RAPGEF2: variants seen among roughly 807,000 people sequenced by gnomAD.
RAPGEF2 encodes PDZ domain containing guanine nucleotide exchange factor (GEF) 1.
Under a neutral mutation model 186.7 loss-of-function variants are expected in RAPGEF2, and 54 were observed. That is an observed-to-expected ratio of 0.29 (90% CI 0.23 to 0.36). The LOEUF (loss-of-function observed/expected upper bound fraction) is 0.36. Among genes scored for constraint, RAPGEF2 ranks in the 10% least tolerant of loss-of-function variants. The pLI is 1.00. For synonymous variants in RAPGEF2, 712 were observed against 705.9 expected (o/e 1.01, Z -0.14); for missense variants, 1,532 against 2,045.0 (o/e 0.75, Z 4.84).
chr4:159,113,306 A>G (rs1246722133), intron 1 of RAPGEF2, among the ~76,000 whole-genome samples: 1 of 152,236 alleles, frequency 6.6e-6, no homozygotes, highest in Non-Finnish European at 1.5e-5. Flanking sequence ...AAGCTGGGTA[A>G]ACAGGGGATC....
At chr4:159,201,290 A>G (rs1228024598) in intron 3 of RAPGEF2, among the ~76,000 whole-genome samples, 1 of 152,210 alleles carries the variant, frequency 6.6e-6, no homozygotes, top group Non-Finnish European at 1.5e-5. Context: ...GATTAAAATT[A>G]TTGTGTATCT....
At chr4:159,150,199 A>AT (rs1370950971) in intron 1 of RAPGEF2, among the ~76,000 whole-genome samples, 108 of 151,524 alleles carry the variant, frequency 7.1e-4, no homozygotes, top group African/African-American at 2.6e-3. Context: ...TATATACTAT[A>AT]AAGTCACCAT....
chr4:159,297,360 A>G lies in RAPGEF2; in HGVS notation c.544-6982A>G, dbSNP rs149669323. On this transcript the variant is annotated intron_variant, in intron 7 of 29. Coordinates refer to ENST00000691494, the MANE Select transcript of RAPGEF2 (RefSeq NM_001394067.2). ...GGTTTTACCATACTTAGTTTGTAGC[A>G]TATGTCTGTGCCAAATGCATATTAT... 1.1e-3 allele frequency among the ~76,000 whole-genome samples: 173 copies of G among 152,340 alleles called. 1 individual carries two copies. The highest frequency in any genetic ancestry group is 3.9e-3 in the African/African-American group (163 of 41,578).
Position 159,339,443 on chromosome 4 carries a change from T to C in RAPGEF2, c.2534+89T>C. 2.1e-6 allele frequency: 3 copies of C among 1,445,398 alleles called. No homozygotes were observed. The South Asian group carries it at 4.0e-5, about 19-fold the overall frequency. 89.5% of individuals were successfully genotyped at this position (1,445,398 alleles called of 1,614,324 possible). ...AGATGAGCAATTTTCAAAGTGTTTT[T>C]TAAATGAGTAAGTGTCCCTGCGATT... is the stretch of plus-strand genomic sequence containing the variant. On this transcript the variant is annotated intron_variant, in intron 19 of 29. Coordinates refer to ENST00000691494, the MANE Select transcript of RAPGEF2 (RefSeq NM_001394067.2).
chr4:159,116,067 A>G (rs1192751051), intron 1 of RAPGEF2, among the ~76,000 whole-genome samples: 1 of 152,242 alleles, frequency 6.6e-6, no homozygotes, highest in African/African-American at 2.4e-5. Flanking sequence ...CAATTGCAGC[A>G]AAAGCAACAA....
At chr4:159,135,660 C>T (rs2111146456) in intron 1 of RAPGEF2, among the ~76,000 whole-genome samples, 1 of 152,196 alleles carries the variant, frequency 6.6e-6, no homozygotes, top group Admixed American at 6.5e-5. Context: ...AGTGCAATGG[C>T]ATGATCTCGG....
intron 9 of RAPGEF2, among the ~76,000 whole-genome samples, chr4:159,318,680 A>AT (rs1361183116): frequency 5.3e-5 from 8 of 151,948 alleles, no homozygotes; most frequent in East Asian, 1.9e-4. Context: ...GTTTTAAAAA[A>AT]TTTTTTTTGT....
At chr4:159,338,281 G>C (rs1579998100) in intron 17 of RAPGEF2, 30 bp from the exon 18 acceptor site, 1 of 1,586,206 alleles carries the variant, frequency 6.3e-7, no homozygotes. Context: ...TTAACTTGTT[G>C]ATAATTTTCT....
chr4:159,147,741 C>T (rs1028124899), intron 1 of RAPGEF2, among the ~76,000 whole-genome samples: 1 of 152,172 alleles, frequency 6.6e-6, no homozygotes, highest in Non-Finnish European at 1.5e-5. Context: ...GAAATCATCT[C>T]CACAGAAAGA....
At chr4:159,177,860 A>G (rs913371141) in intron 1 of RAPGEF2, among the ~76,000 whole-genome samples, 1 of 152,232 alleles carries the variant, frequency 6.6e-6, no homozygotes, top group African/African-American at 2.4e-5. Flanking sequence ...GCCCAAAAGG[A>G]TAAATTTCAT....
chr4:159,263,037 T>G (rs1757047850), intron 7 of RAPGEF2, among the ~76,000 whole-genome samples: 1 of 152,186 alleles, frequency 6.6e-6, no homozygotes, highest in Admixed American at 6.5e-5. Context: ...ATTTCATAAT[T>G]AAATTATTCT....
chr4:159,330,223 C>G, intron 12 of RAPGEF2, 111 bp from the exon 13 acceptor site: 1 of 869,984 alleles, frequency 1.1e-6, no homozygotes, highest in Non-Finnish European at 1.7e-6. Flanking sequence ...TTTGAAATCC[C>G]AGTACCATAT....
intron 6 of RAPGEF2, among the ~76,000 whole-genome samples, chr4:159,243,515 T>C (rs1561135011): frequency 6.6e-6 from 1 of 152,018 alleles, no homozygotes; most frequent in Non-Finnish European, 1.5e-5. Flanking sequence ...AATTGGCTAA[T>C]AGTGAAGGAC....
At chr4:159,351,694 G>T (rs184890420) in intron 26 of RAPGEF2, among the ~76,000 whole-genome samples, 1 of 152,276 alleles carries the variant, frequency 6.6e-6, no homozygotes, top group East Asian at 1.9e-4. Context: ...TGTAATCCCA[G>T]CACTTTGGGA....
At chr4:159,221,965 G>A (rs913720032) in intron 4 of RAPGEF2, among the ~76,000 whole-genome samples, 2 of 152,136 alleles carry the variant, frequency 1.3e-5, no homozygotes, top group African/African-American at 4.8e-5. Flanking sequence ...AATAAGGTAG[G>A]TCTCTAAAGA....
At chr4:159,208,862 C>A (rs1404114161) in intron 3 of RAPGEF2, among the ~76,000 whole-genome samples, 2 of 151,354 alleles carry the variant, frequency 1.3e-5, no homozygotes, top group East Asian at 1.9e-4. Context: ...TATAAAGTAC[C>A]CCTAGGAAAA....
intron 3 of RAPGEF2, 84 bp from the exon 4 acceptor site, chr4:159,210,416 G>A (rs1007168972): frequency 2.4e-6 from 2 of 825,680 alleles, no homozygotes; most frequent in African/African-American, 1.7e-5. Context: ...AGTAATATGG[G>A]TGCTGCACTT....
In RAPGEF2 at chr4:159,296,460, A is replaced by G. The variant is rs1235229100; in HGVS notation, c.544-7882A>G. Among the ~76,000 whole-genome samples the G allele has an allele frequency of 2.0e-5, 3 of 152,324 alleles. No homozygotes were observed. In the East Asian group the frequency reaches 5.8e-4, roughly 29 times the overall value. On this transcript the variant is annotated intron_variant, in intron 7 of 29. Transcript: ENST00000691494. ...CAATATCCATGAGAATTTTCAGGTCAATTAGTAAATTAATAAATATATTTA... is the reference window on the plus strand; with the variant it reads ...CAATATCCATGAGAATTTTCAGGTCGATTAGTAAATTAATAAATATATTTA...
At position 159,359,811 on chromosome 4, in the gene RAPGEF2, C is replaced by CA. The variant is rs929078099; in HGVS notation, c.*1673dup. On this transcript the variant is annotated 3_prime_UTR_variant, in exon 30 of 30. Coordinates refer to ENST00000691494, the MANE Select transcript of RAPGEF2 (RefSeq NM_001394067.2). ...GTTTTATTATATAGGCTATGGACCT[C>CA]ATGTGCATATAGAAAGACAGAAATC... 3 of 152,178 alleles carry CA rather than the reference C, an allele frequency of 2.0e-5. No individual in the cohort carries two copies. The highest frequency in any genetic ancestry group is 4.4e-5 in the Non-Finnish European group (3 of 68,036). The allele number at this position is 152,178 out of a possible 1,614,324, so 9.4% of individuals were successfully genotyped here. A position where few individuals can be genotyped will look rare whatever the true frequency, so the allele number is the denominator to read the frequency against.
Sources: allele counts gnomAD v4.1 joint callset (sites outside exome capture counted in the v4.1 genomes callset), GRCh38; gene constraint gnomAD v4.1.1; transcripts MANE v1.5; gene names NCBI Gene and HGNC (gene_info 2026-07-23, HGNC 2026-07-21).